USH2A: variants seen among roughly 807,000 people sequenced by gnomAD.
USH2A encodes the protein Usher syndrome 2A (autosomal recessive, mild).
In USH2A, 443 loss-of-function variants were observed where a neutral mutation model predicts 538.9. The ratio of observed to expected loss-of-function variants is 0.82; its 90% CI spans 0.76 to 0.89. The LOEUF (loss-of-function observed/expected upper bound fraction) is 0.89, where lower values mean the gene tolerates loss of function less well. Ranked by LOEUF, USH2A falls within the 40% of genes least tolerant of loss-of-function variation. USH2A has a pLI of 0.00. For synonymous variants in USH2A, 2,413 were observed against 2,273.5 expected (o/e 1.06, Z -1.75); for missense variants, 6,633 against 6,324.8 (o/e 1.05, Z -1.65).
Position 215,900,668 on chromosome 1 carries a change from T to G in USH2A, c.7451+87A>C, listed in dbSNP as rs1042200404. 11 of 1,563,948 alleles carry G rather than the reference T, an allele frequency of 7.0e-6. No individual in the cohort carries two copies. The African/African-American group carries it at 1.2e-4, about 17-fold the overall frequency. On this transcript the variant is annotated intron_variant, in intron 39 of 71. Coordinates refer to ENST00000307340, the MANE Select transcript of USH2A (RefSeq NM_206933.4). Reference sequence around the variant, plus strand: ...CTTTTAAAAGGTAACCTATATTTTTTGCAAATGAGAACTGACCTACTCTTC... The same window carrying G: ...CTTTTAAAAGGTAACCTATATTTTTGGCAAATGAGAACTGACCTACTCTTC...
chr1:215,635,797 G>A (rs1437987838), intron 69 of USH2A, among the ~76,000 whole-genome samples: 10 of 152,038 alleles, frequency 6.6e-5, no homozygotes, highest in South Asian at 2.1e-4. Context: ...CTCATGATCC[G>A]CCTGCCTCGG....
chr1:215,757,614 T>A (rs1455865944), intron 58 of USH2A, among the ~76,000 whole-genome samples: 4 of 152,198 alleles, frequency 2.6e-5, no homozygotes, highest in Non-Finnish European at 5.9e-5. Flanking sequence ...TCTTAACCAT[T>A]TTTAAATTTT....
chr1:216,085,719 A>AGTGTGT (rs140742468), intron 24 of USH2A, among the ~76,000 whole-genome samples: 6,168 of 143,682 alleles, frequency 0.043, 151 homozygotes, highest in Middle Eastern at 0.081. Flanking sequence ...TGTGTACGTG[A>AGTGTGT]GTGTGTGTGT....
chr1:215,956,939 T>C (rs1197085506), intron 37 of USH2A, among the ~76,000 whole-genome samples: 1 of 152,182 alleles, frequency 6.6e-6, no homozygotes, highest in Admixed American at 6.5e-5. Context: ...ATACATTCTA[T>C]AGCCCAATAT....
chr1:215,628,969 A>G lies in USH2A; in HGVS notation c.15364T>C (p.Cys5122Arg), dbSNP rs111033402. The G allele has an allele frequency of 5.3e-4, 858 of 1,613,996 alleles. 2 individuals carry two copies. Among genetic ancestry groups the G allele is most frequent in the Non-Finnish European group, 6.9e-4 (820 of 1,180,026 alleles). ...PVSIRSNRSA[C>R]VLRIPSQNQT... Reference sequence around the variant, plus strand: ...TTTTGACTCGGGATGCGCAGGACACATGCACTCCGGTTGCTGCGGATACTC... The same window carrying G: ...TTTTGACTCGGGATGCGCAGGACACGTGCACTCCGGTTGCTGCGGATACTC... The change falls in exon 71 of 72, where the codon TGT (cysteine) becomes CGT (arginine). Residue 5122 changes from cysteine to arginine, a missense_variant. Coordinates refer to ENST00000307340, the MANE Select transcript of USH2A (RefSeq NM_206933.4).
chr1:215,885,887 C>T lies in USH2A; in HGVS notation c.8223+2539G>A, dbSNP rs116714248. On this transcript the variant is annotated intron_variant, in intron 41 of 71. Coordinates refer to ENST00000307340, the MANE Select transcript of USH2A (RefSeq NM_206933.4). Reference sequence around the variant, plus strand: ...TATTATCCCCCACCCTATCAGCTGGCATTCCATATTTCTCTACACTCAATT... The same window carrying T: ...TATTATCCCCCACCCTATCAGCTGGTATTCCATATTTCTCTACACTCAATT... Among the ~76,000 whole-genome samples, 529 of 152,302 alleles carry T rather than the reference C, an allele frequency of 3.5e-3. 4 individuals carry two copies. Among genetic ancestry groups the T allele is most frequent in the African/African-American group, 0.012 (509 of 41,562 alleles).
In USH2A at chr1:216,325,615, G is replaced by A; in HGVS notation, c.849-16C>T. On this transcript the variant is annotated splice_polypyrimidine_tract_variant and intron_variant, in intron 5 of 71. Transcript: ENST00000307340. ...CAGAATCTCTCTGTGGGAGTCAAGAGGGAGACTGTAAGGACAAAGAGCTTA... is the reference window on the plus strand; with the variant it reads ...CAGAATCTCTCTGTGGGAGTCAAGAAGGAGACTGTAAGGACAAAGAGCTTA... 2 of 1,611,198 alleles carry A rather than the reference G, an allele frequency of 1.2e-6. No homozygotes were observed. The highest frequency in any genetic ancestry group is 1.7e-6 in the Non-Finnish European group (2 of 1,178,974).
In USH2A at chr1:215,970,731, T is replaced by C. The variant is rs1272368860; in HGVS notation, c.6851A>G (p.His2284Arg). The part of the protein sequence containing the change: ...YGLYLDGILI[H>R]NSSELSYRAY... The stretch of plus-strand genomic sequence containing the variant: ...ACGATAGCTGAGTTCTGAGGAATTG[T>C]GGATTAATATACCATCTAGATATAA... The change falls in exon 36 of 72, where the codon CAC (histidine) becomes CGC (arginine). Residue 2284 changes from histidine (H) to arginine (R), a missense_variant. Physicochemically the swap from His to Arg is conservative, Grantham distance 29. Transcript: ENST00000307340. 4 of 1,613,688 alleles carry C rather than the reference T, an allele frequency of 2.5e-6. No individual in the cohort carries two copies. The highest frequency in any genetic ancestry group is 3.4e-6 in the Non-Finnish European group (4 of 1,179,708).
chr1:216,366,960 C>G lies in USH2A; in HGVS notation c.652-1875G>C, dbSNP rs552595085. Among the ~76,000 whole-genome samples the G allele has an allele frequency of 5.3e-5, 8 of 152,146 alleles. No individual in the cohort carries two copies. In the East Asian group the frequency reaches 1.5e-3, roughly 29 times the overall value. ...GGCTTTTCTACTTTGTTATTTGTAG[C>G]ATTATCTCATGTTTTACAACATCTT... On this transcript the variant is annotated intron_variant, in intron 3 of 71. Coordinates refer to ENST00000307340, the MANE Select transcript of USH2A (RefSeq NM_206933.4).
At chr1:216,009,954 T>C (rs1001622950) in intron 32 of USH2A, among the ~76,000 whole-genome samples, 4 of 152,170 alleles carry the variant, frequency 2.6e-5, no homozygotes, top group Non-Finnish European at 5.9e-5. Flanking sequence ...GCCCAGTTCA[T>C]GGTCGCTCGG....
In USH2A at chr1:215,963,185, A is replaced by G. The variant is rs79644412; in HGVS notation, c.7120+2132T>C. On this transcript the variant is annotated intron_variant, in intron 37 of 71. Transcript: ENST00000307340. ...AGCTTTGTATAAATCTAGTGAACAG[A>G]TGATATCTTAAATAAGTTTGATGAA... is the stretch of plus-strand genomic sequence containing the variant. Among the ~76,000 whole-genome samples the G allele has an allele frequency of 8.8e-3, 1,346 of 152,260 alleles. 12 individuals are homozygous for G. The highest frequency in any genetic ancestry group is 0.023 in the South Asian group (111 of 4,830).
chr1:216,263,056 C>CA (rs1456105164), intron 11 of USH2A, among the ~76,000 whole-genome samples: 1 of 152,000 alleles, frequency 6.6e-6, no homozygotes, highest in African/African-American at 2.4e-5. Context: ...TGGATACATA[C>CA]AACTGGCCAA....
At chr1:216,018,797 TTTA>T (rs560571739) in intron 32 of USH2A, among the ~76,000 whole-genome samples, 33 of 37,008 alleles carry the variant, frequency 8.9e-4, no homozygotes, top group African/African-American at 8.4e-3. Flanking sequence ...TAGCATCTCA[TTTA>T]TTATTATTAT....
intron 67 of USH2A, 35 bp downstream of exon 67, chr1:215,647,487 C>G: frequency 3.7e-6 from 6 of 1,612,036 alleles, no homozygotes; most frequent in Non-Finnish European, 4.2e-6. Context: ...ACATTCCAAT[C>G]TCTCTGGCTT....
At chr1:215,970,826 G>A in intron 35 of USH2A, 50 bp from the exon 36 acceptor site, 1 of 1,586,042 alleles carries the variant, frequency 6.3e-7, no homozygotes, top group Non-Finnish European at 8.6e-7. Flanking sequence ...CAATAGCAAA[G>A]AAGGTCTTAA....
chr1:215,846,175 G>A lies in USH2A; in HGVS notation c.8846-142C>T, dbSNP rs927490039. ...TGGAAATGTTAAAAAAAGCTTATGA[G>A]ATCTCCTTTTTGGTGGTGCTGGTGG... On this transcript the variant is annotated intron_variant, in intron 44 of 71. Coordinates refer to ENST00000307340, the MANE Select transcript of USH2A (RefSeq NM_206933.4). 7.8e-6 allele frequency: 6 copies of A among 773,822 alleles called. No individual in the cohort carries two copies. The African/African-American group carries it at 8.8e-5, about 11-fold the overall frequency. 47.9% of individuals were successfully genotyped at this position (773,822 alleles called of 1,614,324 possible).
chr1:215,920,880 A>G (rs1017961320), intron 38 of USH2A, among the ~76,000 whole-genome samples: 1 of 152,018 alleles, frequency 6.6e-6, no homozygotes, highest in African/African-American at 2.4e-5. Flanking sequence ...GAGGTCACGC[A>G]TGGTCATTTT....
At chr1:216,277,192 T>C (rs76629112) in intron 11 of USH2A, among the ~76,000 whole-genome samples, 473 of 152,310 alleles carry the variant, frequency 3.1e-3, no homozygotes, top group African/African-American at 0.011. Context: ...GCATCTTCTA[T>C]GCAATTAATG....
At chr1:216,324,027 T>C in intron 7 of USH2A, 141 bp downstream of exon 7, 2 of 909,744 alleles carry the variant, frequency 2.2e-6, no homozygotes, top group Non-Finnish European at 1.6e-6. Context: ...TTAAGCCCAA[T>C]TTAGGGATAA....
Sources: allele counts gnomAD v4.1 joint callset (sites outside exome capture counted in the v4.1 genomes callset), GRCh38; gene constraint gnomAD v4.1.1; transcripts MANE v1.5; gene names NCBI Gene and HGNC (gene_info 2026-07-23, HGNC 2026-07-21).